CFAP299: variants seen among roughly 807,000 people sequenced by gnomAD.
CFAP299 encodes the protein cilia- and flagella-associated protein 299.
A neutral mutation model predicts 27.0 loss-of-function variants in CFAP299; 21 were observed. The ratio of observed to expected loss-of-function variants is 0.78; its 90% CI spans 0.55 to 1.12. The LOEUF (loss-of-function observed/expected upper bound fraction) is 1.12, where lower values mean the gene tolerates loss of function less well. Among genes scored for constraint, CFAP299 ranks in the 50% most tolerant of loss-of-function variants. The probability of loss-of-function intolerance (pLI) is 0.00; values close to 1 mark genes in which losing one functional copy is unlikely to be tolerated. For synonymous variants in CFAP299, 104 were observed against 98.1 expected (o/e 1.06, Z -0.36); for missense variants, 310 against 276.6 (o/e 1.12, Z -0.86).
At chr4:80,842,864 G>T (rs1265627553) in intron 3 of CFAP299, among the ~76,000 whole-genome samples, 3 of 152,080 alleles carry the variant, frequency 2.0e-5, no homozygotes, top group Non-Finnish European at 4.4e-5. Context: ...GTTTGAAGGG[G>T]TATTCTTGCT....
At chr4:80,523,122 A>G (rs1158285619) in intron 2 of CFAP299, among the ~76,000 whole-genome samples, 1 of 152,190 alleles carries the variant, frequency 6.6e-6, no homozygotes, top group East Asian at 1.9e-4. Context: ...TCTTCCAATC[A>G]TGAGCATAGA....
chr4:80,896,951 C>T (rs1030196725), intron 4 of CFAP299, among the ~76,000 whole-genome samples: 37 of 151,826 alleles, frequency 2.4e-4, no homozygotes, highest in African/African-American at 7.7e-4. Context: ...GAGGGAAGTA[C>T]GGGAAAGACT....
chr4:80,725,280 G>T (rs1723093838), intron 3 of CFAP299, among the ~76,000 whole-genome samples: 1 of 151,698 alleles, frequency 6.6e-6, no homozygotes, highest in South Asian at 2.1e-4. Flanking sequence ...CTAGATGAAT[G>T]ACTTTCTTTT....
At chr4:80,882,616 CA>C (rs1733765525) in intron 4 of CFAP299, among the ~76,000 whole-genome samples, 1 of 140,264 alleles carries the variant, frequency 7.1e-6, no homozygotes, top group Non-Finnish European at 1.5e-5. Context: ...CAGGCTTGGG[CA>C]AAAGAGCGAG....
intron 2 of CFAP299, among the ~76,000 whole-genome samples, chr4:80,404,962 A>G (rs976954564): frequency 1.3e-5 from 2 of 152,132 alleles, no homozygotes; most frequent in South Asian, 4.1e-4. Flanking sequence ...TGATATTTTA[A>G]TAGTAACCAT....
intron 3 of CFAP299, among the ~76,000 whole-genome samples, chr4:80,712,016 T>C (rs1722203822): frequency 6.6e-6 from 1 of 152,196 alleles, no homozygotes; most frequent in South Asian, 2.1e-4. Flanking sequence ...TAATGTTAGC[T>C]GCTAGGAGGC....
intron 3 of CFAP299, among the ~76,000 whole-genome samples, chr4:80,613,387 C>G (rs1486651866): frequency 6.6e-6 from 1 of 152,048 alleles, no homozygotes; most frequent in East Asian, 1.9e-4. Context: ...TGATTTAACT[C>G]TAAAACTGAT....
intron 3 of CFAP299, among the ~76,000 whole-genome samples, chr4:80,725,635 A>G (rs775360180): frequency 2.0e-5 from 3 of 152,142 alleles, no homozygotes; most frequent in Non-Finnish European, 2.9e-5. Context: ...AGACTACTCT[A>G]ATCTATCCAT....
chr4:80,898,096 T>G (rs1406874974), intron 4 of CFAP299, among the ~76,000 whole-genome samples: 1 of 152,164 alleles, frequency 6.6e-6, no homozygotes, highest in Non-Finnish European at 1.5e-5. Context: ...CTCTTTTAGC[T>G]CTGCCATCTG....
At chr4:80,800,102 ATATAT>A (rs377067666) in intron 3 of CFAP299, among the ~76,000 whole-genome samples, 3,829 of 70,330 alleles carry the variant, frequency 0.054, 153 homozygotes, top group Middle Eastern at 0.14. Flanking sequence ...ATAATATATA[ATATAT>A]TATATATAAG....
In CFAP299 at chr4:80,572,507, GTTTTTTTTTTT is replaced by G. The variant is rs550414533; in HGVS notation, c.243-10568_243-10558del. Among the ~76,000 whole-genome samples, 11 of 36,378 alleles carry G rather than the reference GTTTTTTTTTTT, an allele frequency of 3.0e-4. 1 individual carries two copies. Among genetic ancestry groups the G allele is most frequent in the Admixed American group, 1.1e-3 (2 of 1,816 alleles). 23.9% of individuals were successfully genotyped at this position (36,378 alleles called of 152,430 possible). A position where few individuals can be genotyped will look rare whatever the true frequency, so the allele number is the denominator to read the frequency against. ...TGTTGTTGCACATGACTGGATCCCA[GTTTTTTTTTTT>G]TTTTTTTTTTTTTTTTTGAGAGGGA... On this transcript the variant is annotated intron_variant, in intron 2 of 5. Coordinates refer to ENST00000358105, the MANE Select transcript of CFAP299 (RefSeq NM_152770.3).
At chr4:80,850,505 T>C (rs999111077) in intron 3 of CFAP299, among the ~76,000 whole-genome samples, 1 of 151,794 alleles carries the variant, frequency 6.6e-6, no homozygotes, top group Admixed American at 6.6e-5. Context: ...TTTCTAAAAC[T>C]TGAGTTTTAG....
At position 80,858,151 on chromosome 4, in the gene CFAP299, G is replaced by C. The variant is rs934368865; in HGVS notation, c.334-11842G>C. ...TTAGTCTTGGGAGAGTGTATGTGTCGAGGAATTTATCCATTTCTTCTAGAT... is the reference window on the plus strand; with the variant it reads ...TTAGTCTTGGGAGAGTGTATGTGTCCAGGAATTTATCCATTTCTTCTAGAT... On this transcript the variant is annotated intron_variant, in intron 3 of 5. Transcript: ENST00000358105. Among the ~76,000 whole-genome samples the C allele has an allele frequency of 4.6e-5, 7 of 152,206 alleles. No homozygotes were observed. In the East Asian group the frequency reaches 1.2e-3, roughly 25 times the overall value.
At chr4:80,624,602 G>T (rs1738787119) in intron 3 of CFAP299, among the ~76,000 whole-genome samples, 1 of 151,864 alleles carries the variant, frequency 6.6e-6, no homozygotes, top group Non-Finnish European at 1.5e-5. Context: ...TTCAAATCTG[G>T]AGAAAGACAT....
At chr4:80,806,440 A>T (rs1421496141) in intron 3 of CFAP299, among the ~76,000 whole-genome samples, 1 of 152,146 alleles carries the variant, frequency 6.6e-6, no homozygotes, top group Non-Finnish European at 1.5e-5. Flanking sequence ...AATGTGAAAC[A>T]CTCTATAATT....
At chr4:80,536,397 A>G (rs1363471141) in intron 2 of CFAP299, among the ~76,000 whole-genome samples, 1 of 152,186 alleles carries the variant, frequency 6.6e-6, no homozygotes, top group Non-Finnish European at 1.5e-5. Context: ...GTATATACGT[A>G]TCGTTTGAAA....
At chr4:80,800,979 A>T (rs1469277417) in intron 3 of CFAP299, among the ~76,000 whole-genome samples, 2 of 151,270 alleles carry the variant, frequency 1.3e-5, no homozygotes, top group African/African-American at 4.9e-5. Flanking sequence ...TAGCCTTTTC[A>T]TGTTTTTCTG....
chr4:80,695,674 CT>C (rs5859732), intron 3 of CFAP299, among the ~76,000 whole-genome samples: 411 of 136,848 alleles, frequency 3.0e-3, no homozygotes, highest in African/African-American at 8.3e-3. Context: ...CCTTATCATC[CT>C]TTTTTTTTTT....
intron 2 of CFAP299, among the ~76,000 whole-genome samples, chr4:80,425,912 G>C (rs886845012): frequency 6.6e-6 from 1 of 152,114 alleles, no homozygotes; most frequent in Non-Finnish European, 1.5e-5. Flanking sequence ...TAGTAAACAA[G>C]CTTGATGAAA....
Sources: allele counts gnomAD v4.1 joint callset (sites outside exome capture counted in the v4.1 genomes callset), GRCh38; gene constraint gnomAD v4.1.1; transcripts MANE v1.5; gene names NCBI Gene and HGNC (gene_info 2026-07-23, HGNC 2026-07-21).